Variants in VTI1A observed in about 807,000 individuals in gnomAD.
VTI1A encodes the protein vesicle transport through interaction with t-SNAREs 1A, also known as vesicle transport through interaction with t-SNAREs homolog 1A.
In VTI1A, 22 loss-of-function variants were observed where a neutral mutation model predicts 34.9. The observed-to-expected ratio is 0.63, with a 90% CI of 0.45 to 0.90. The LOEUF (loss-of-function observed/expected upper bound fraction) is 0.90, where lower values mean the gene tolerates loss of function less well. Ranked by LOEUF, VTI1A falls within the 40% of genes least tolerant of loss-of-function variation. VTI1A has a pLI of 0.00. For synonymous variants in VTI1A, 87 were observed against 97.3 expected, an observed-to-expected ratio of 0.89 and a Z score of 0.62; for missense variants, 268 against 275.6, an observed-to-expected ratio of 0.97 and a Z score of 0.20.
chr10:112,468,046 A>G (rs1399055663), intron 3 of VTI1A, among the ~76,000 whole-genome samples: 2 of 152,224 alleles, frequency 1.3e-5, no homozygotes, highest in Non-Finnish European at 2.9e-5. Context: ...AGTGACCAGC[A>G]GGGTGATTGT....
chr10:112,770,578 A>G (rs1460157457), intron 7 of VTI1A, among the ~76,000 whole-genome samples: 3 of 136,760 alleles, frequency 2.2e-5, no homozygotes, highest in African/African-American at 8.2e-5. Context: ...TTTTTTTTTT[A>G]TGTATTTTTA....
intron 3 of VTI1A, among the ~76,000 whole-genome samples, chr10:112,510,895 A>G (rs1849585017): frequency 6.6e-6 from 1 of 152,206 alleles, no homozygotes; most frequent in African/African-American, 2.4e-5. Context: ...ACACCATCAT[A>G]TGGGATAAAA....
At chr10:112,713,032 C>T (rs556584534) in intron 7 of VTI1A, among the ~76,000 whole-genome samples, 6 of 152,190 alleles carry the variant, frequency 3.9e-5, no homozygotes, top group Non-Finnish European at 7.4e-5. Context: ...TATAGGACCC[C>T]GTTCTAGCTT....
chr10:112,675,115 A>C (rs1002509269), intron 7 of VTI1A, among the ~76,000 whole-genome samples: 1 of 152,218 alleles, frequency 6.6e-6, no homozygotes, highest in African/African-American at 2.4e-5. Flanking sequence ...TTCACTGACC[A>C]GGAAATTCAA....
chr10:112,474,458 CTT>C (rs35475815), intron 3 of VTI1A, among the ~76,000 whole-genome samples: 60 of 141,860 alleles, frequency 4.2e-4, no homozygotes, highest in Non-Finnish European at 5.0e-4. Flanking sequence ...TCATTCTTTC[CTT>C]TTTTTTTTTT....
At chr10:112,511,154 A>G (rs1352420341) in intron 3 of VTI1A, among the ~76,000 whole-genome samples, 4 of 151,162 alleles carry the variant, frequency 2.6e-5, no homozygotes, top group Admixed American at 2.0e-4. Flanking sequence ...AAGAACATAC[A>G]CTCTCTACCG....
At chr10:112,842,036 T>C in the VTI1A span, among the ~76,000 whole-genome samples, 2 of 148,794 alleles carry the variant, frequency 1.3e-5, no homozygotes, top group African/African-American at 5.0e-5. Context: ...GGAGTTCTTT[T>C]CTTTTTTTTT....
intron 1 of VTI1A, among the ~76,000 whole-genome samples, chr10:112,459,334 G>T (rs749499939): frequency 1.3e-4 from 20 of 152,180 alleles, no homozygotes; most frequent in Non-Finnish European, 2.9e-4. Context: ...ACCAATGGAT[G>T]CTAGCAGCGC....
At chr10:112,655,330 A>C (rs1261829094) in intron 5 of VTI1A, among the ~76,000 whole-genome samples, 1 of 152,218 alleles carries the variant, frequency 6.6e-6, no homozygotes, top group Non-Finnish European at 1.5e-5. Flanking sequence ...AGAACAAAGG[A>C]TAGAAACCAA....
intron 7 of VTI1A, among the ~76,000 whole-genome samples, chr10:112,717,005 A>G (rs543811555): frequency 6.6e-6 from 1 of 152,292 alleles, no homozygotes; most frequent in African/African-American, 2.4e-5. Context: ...ACATAGTTGG[A>G]GTAAGAGGAC....
the VTI1A span, among the ~76,000 whole-genome samples, chr10:112,848,559 C>T: frequency 6.6e-6 from 1 of 152,166 alleles, no homozygotes; most frequent in Non-Finnish European, 1.5e-5. Context: ...ATATCACAGG[C>T]TGGAGACACA....
At chr10:112,533,730 T>C (rs1460839962) in intron 4 of VTI1A, among the ~76,000 whole-genome samples, 2 of 152,028 alleles carry the variant, frequency 1.3e-5, no homozygotes, top group Non-Finnish European at 2.9e-5. Context: ...CACAACTATA[T>C]CCTAATCATG....
intron 3 of VTI1A, among the ~76,000 whole-genome samples, chr10:112,507,554 G>A (rs1476966036): frequency 6.6e-6 from 1 of 151,994 alleles, no homozygotes; most frequent in African/African-American, 2.4e-5. Flanking sequence ...TTCTGCCCCC[G>A]ACCTCCACCC....
intron 5 of VTI1A, among the ~76,000 whole-genome samples, chr10:112,564,593 T>C (rs1851843602): frequency 6.6e-6 from 1 of 152,244 alleles, no homozygotes; most frequent in South Asian, 2.1e-4. Flanking sequence ...ATTTACAGGG[T>C]TACCCCCCTT....
intron 7 of VTI1A, among the ~76,000 whole-genome samples, chr10:112,764,912 A>G (rs371154045): frequency 5.0e-4 from 76 of 152,336 alleles, no homozygotes; most frequent in African/African-American, 1.7e-3. Context: ...GTACTAATAT[A>G]TCCTTAGAGT....
chr10:112,531,103 A>G (rs1399449285), intron 4 of VTI1A, among the ~76,000 whole-genome samples: 1 of 137,298 alleles, frequency 7.3e-6, no homozygotes, highest in African/African-American at 2.9e-5. Context: ...ACACACACAC[A>G]CGTGCGCACG....
At chr10:112,825,631 T>G in the VTI1A span, 1 of 152,380 alleles carries the variant, frequency 6.6e-6, no homozygotes, top group East Asian at 1.9e-4. Flanking sequence ...AGCCAGAAGA[T>G]GGGTTCAAGT....
chr10:112,589,597 T>G (rs140086483), intron 5 of VTI1A, among the ~76,000 whole-genome samples: 6 of 152,176 alleles, frequency 3.9e-5, no homozygotes, highest in African/African-American at 1.4e-4. Context: ...AGCTAAAAAA[T>G]AATAGTAATG....
chr10:112,642,977 CTT>C (rs58619611), intron 5 of VTI1A, among the ~76,000 whole-genome samples: 4 of 121,006 alleles, frequency 3.3e-5, no homozygotes, highest in South Asian at 2.6e-4. Context: ...TTTTTCTTTT[CTT>C]TTTTTTTTTT....
Sources: gnomAD v4.1 joint callset for allele counts (sites outside exome capture counted in the v4.1 genomes callset) on GRCh38, gnomAD v4.1.1 for gene constraint, MANE v1.5 for transcripts, NCBI Gene and HGNC (gene_info 2026-07-23, HGNC 2026-07-21) for gene names.